The following PNKD variants were observed in gnomAD, a reference collection of about 807,000 sequenced individuals.
PNKD encodes PNKD metallo-beta-lactamase domain containing.
Under a neutral mutation model 45.3 loss-of-function variants are expected in PNKD, and 36 were observed. The ratio of observed to expected loss-of-function variants is 0.80; its 90% CI spans 0.61 to 1.05. The LOEUF (loss-of-function observed/expected upper bound fraction) is 1.05. Among genes scored for constraint, PNKD ranks in the 50% least tolerant of loss-of-function variants. The pLI, the probability that PNKD is intolerant of heterozygous loss-of-function variation, is 0.00. For missense variants in PNKD, 511 were observed against 506.6 expected, an observed-to-expected ratio of 1.01 and a Z score of -0.08; for synonymous variants, 197 against 210.1, an observed-to-expected ratio of 0.94 and a Z score of 0.54.
chr2:218,327,330 G>A (rs1010322480), intron 2 of PNKD, among the ~76,000 whole-genome samples: 14 of 152,188 alleles, frequency 9.2e-5, no homozygotes, highest in Admixed American at 6.5e-4. Context: ...TTGATTTCAA[G>A]AGTGGCAGAA....
In PNKD at chr2:218,344,842, A is replaced by AC; in HGVS notation, c.1022dup (p.Phe342ValfsTer23). ...ACCCTGGGAGAGGAGCGCTCCTACA[A>AC]CCCGTTCCTGAGAACCCACTGCCTG... On this transcript the variant is annotated frameshift_variant, in exon 10 of 10. Coordinates refer to ENST00000273077, the MANE Select transcript of PNKD (RefSeq NM_015488.5). LOFTEE classifies it high-confidence loss of function. The AC allele has an allele frequency of 8.1e-6, 13 of 1,613,396 alleles. No individual in the cohort carries two copies. The highest frequency in any genetic ancestry group is 1.1e-5 in the Non-Finnish European group (13 of 1,179,734).
At chr2:218,280,537 T>C (rs373450700) in intron 2 of PNKD, 8 of 251,452 alleles carry the variant, frequency 3.2e-5, no homozygotes, top group East Asian at 2.3e-4. Flanking sequence ...GCAGCAGGGA[T>C]AGAGGTGAAG....
rs1248863727 is a variant in PNKD, at chr2:218,326,424, G to A, written c.237-13359G>A. 6.6e-6 allele frequency among the ~76,000 whole-genome samples: 1 copy of A among 152,112 alleles called. No homozygotes were observed. The highest frequency in any genetic ancestry group is 1.9e-4 in the East Asian group (1 of 5,198). ...AGCAAAGCACACAGCATGTGGGGTCGAACAAATCTGCTTTTGCATCCTAGT... is the reference window on the plus strand; with the variant it reads ...AGCAAAGCACACAGCATGTGGGGTCAAACAAATCTGCTTTTGCATCCTAGT... On this transcript the variant is annotated intron_variant, in intron 2 of 9. Coordinates refer to ENST00000273077, the MANE Select transcript of PNKD (RefSeq NM_015488.5). The surrounding 1 kb of genome is among the most constrained non-coding windows in gnomAD (Gnocchi z 4.1).
intron 2 of PNKD, among the ~76,000 whole-genome samples, chr2:218,329,322 C>T (rs981901936): frequency 1.3e-5 from 2 of 152,150 alleles, no homozygotes; most frequent in Non-Finnish European, 1.5e-5. Flanking sequence ...GGAGCATGAT[C>T]GAATCAGGAA....
chr2:218,291,939 A>AC lies in PNKD; in HGVS notation c.236+20397dup, dbSNP rs140776569. ...GCTTCTGCCCCAGCTGCAAGCTAGG[A>AC]CCCCCCCTTCCCCACCCCTTAAATA... On this transcript the variant is annotated intron_variant, in intron 2 of 9. Coordinates refer to ENST00000273077, the MANE Select transcript of PNKD (RefSeq NM_015488.5). 1.2e-3 allele frequency among the ~76,000 whole-genome samples: 188 copies of AC among 150,428 alleles called. No individual in the cohort carries two copies. In the East Asian group the frequency reaches 0.015, roughly 12 times the overall value.
At chr2:218,301,823 C>T (rs1438045191) in intron 2 of PNKD, among the ~76,000 whole-genome samples, 1 of 151,938 alleles carries the variant, frequency 6.6e-6, no homozygotes, top group African/African-American at 2.4e-5. Flanking sequence ...AGAAAGGGGC[C>T]AGGACTCAAC....
chr2:218,278,642 G>C, intron 2 of PNKD: 1 of 1,531,080 alleles, frequency 6.5e-7, no homozygotes, highest in Non-Finnish European at 9.0e-7. Flanking sequence ...CCAGTGATTT[G>C]GGGCCCAAAT....
chr2:218,303,729 C>A (rs528382051), intron 2 of PNKD, among the ~76,000 whole-genome samples: 3 of 151,982 alleles, frequency 2.0e-5, no homozygotes, highest in African/African-American at 7.2e-5. Flanking sequence ...GTGCCCACCA[C>A]CATGCCCAGC....
At chr2:218,272,848 A>C (rs1690905842) in intron 2 of PNKD, 1 of 1,607,560 alleles carries the variant, frequency 6.2e-7, no homozygotes, top group South Asian at 1.1e-5. Flanking sequence ...GGTCCACCAG[A>C]GGGCGCATGA....
At chr2:218,324,162 C>G (rs1480354832) in intron 2 of PNKD, among the ~76,000 whole-genome samples, 2 of 134,438 alleles carry the variant, frequency 1.5e-5, no homozygotes, top group African/African-American at 2.6e-5. Context: ...TGGTGCCTAG[C>G]AAGCACTGTT....
intron 2 of PNKD, among the ~76,000 whole-genome samples, chr2:218,298,080 A>T (rs1051184840): frequency 1.3e-5 from 2 of 151,940 alleles, no homozygotes; most frequent in African/African-American, 4.8e-5. Flanking sequence ...AGTTGAGGTC[A>T]TCTAGGTGAA....
chr2:218,307,674 T>C (rs1055215026), intron 2 of PNKD, among the ~76,000 whole-genome samples: 4 of 152,042 alleles, frequency 2.6e-5, no homozygotes, highest in African/African-American at 4.8e-5. Flanking sequence ...AGGGAAGCGG[T>C]TGGGGACCCC....
intron 2 of PNKD, among the ~76,000 whole-genome samples, chr2:218,319,402 G>A (rs114175385): frequency 0.032 from 4,068 of 125,174 alleles, 240 homozygotes; most frequent in African/African-American, 0.11. Flanking sequence ...TTGAGATGGA[G>A]TATTGCTTTA....
chr2:218,296,575 C>A (rs764629131), intron 2 of PNKD, among the ~76,000 whole-genome samples: 1 of 152,222 alleles, frequency 6.6e-6, no homozygotes, highest in Non-Finnish European at 1.5e-5. Flanking sequence ...CCAAACCCTT[C>A]TCATAGCTGC....
chr2:218,332,694 A>C (rs1574710382), intron 2 of PNKD, among the ~76,000 whole-genome samples: 1 of 143,348 alleles, frequency 7.0e-6, no homozygotes, highest in African/African-American at 2.6e-5. Flanking sequence ...CACCTTCAGC[A>C]CCCCCTCTAT....
intron 2 of PNKD, among the ~76,000 whole-genome samples, chr2:218,303,679 C>T (rs13430992): frequency 0.092 from 13,734 of 149,162 alleles, 2,100 homozygotes; most frequent in African/African-American, 0.32. Flanking sequence ...TGGGTTCAAG[C>T]GATTCTCTGC....
intron 2 of PNKD, among the ~76,000 whole-genome samples, chr2:218,322,775 T>A (rs1005645459): frequency 1.3e-5 from 2 of 152,244 alleles, no homozygotes; most frequent in African/African-American, 4.8e-5. Context: ...ACAGTGTGCC[T>A]TTGACCCTTG....
At chr2:218,278,191 G>A in intron 2 of PNKD, 1 of 617,694 alleles carries the variant, frequency 1.6e-6, no homozygotes, top group South Asian at 2.0e-5. Flanking sequence ...AGAAACACCT[G>A]GATTGGTTTG....
At chr2:218,316,495 T>C (rs1693819526) in intron 2 of PNKD, among the ~76,000 whole-genome samples, 2 of 152,148 alleles carry the variant, frequency 1.3e-5, no homozygotes, top group South Asian at 2.1e-4. Context: ...GGTTTCGAAC[T>C]CCTGAGCTCA....
Sources: allele counts gnomAD v4.1 joint callset (sites outside exome capture counted in the v4.1 genomes callset), GRCh38; gene constraint gnomAD v4.1.1; non-coding constraint Gnocchi (gnomAD v3.1); transcripts MANE v1.5; gene names NCBI Gene and HGNC (gene_info 2026-07-23, HGNC 2026-07-21).